The following PCDHGB2 variants were observed in gnomAD, a reference collection of about 807,000 sequenced individuals.
PCDHGB2 encodes the protein protocadherin gamma subfamily B, 2.
A neutral mutation model predicts 59.3 loss-of-function variants in PCDHGB2; 55 were observed. The ratio of observed to expected loss-of-function variants is 0.93; its 90% CI spans 0.75 to 1.16. The LOEUF is 1.16. PCDHGB2 is among the 50% of genes most tolerant of loss of function. The pLI, the probability that PCDHGB2 is intolerant of heterozygous loss-of-function variation, is 0.00. For synonymous variants in PCDHGB2, 516 were observed against 512.0 expected (o/e 1.01, Z -0.11); for missense variants, 1,228 against 1,198.5 (o/e 1.02, Z -0.36).
intron 1 of PCDHGB2, chr5:141,393,383 A>G: frequency 6.2e-7 from 1 of 1,614,000 alleles, no homozygotes; most frequent in Non-Finnish European, 8.5e-7. Flanking sequence ...ATGGAGCCAT[A>G]AACCCAGAGC....
chr5:141,368,392 C>T (rs978574831), intron 1 of PCDHGB2, among the ~76,000 whole-genome samples: 2 of 152,084 alleles, frequency 1.3e-5, no homozygotes, highest in African/African-American at 4.8e-5. Context: ...TACACACACA[C>T]AAACACACAT....
At chr5:141,404,072 C>T (rs779657331) in intron 1 of PCDHGB2, 1 of 1,613,626 alleles carries the variant, frequency 6.2e-7, no homozygotes, top group Non-Finnish European at 8.5e-7. Flanking sequence ...TGCTCATGAC[C>T]GAGACTCCGG....
rs946798767 is a variant in PCDHGB2, at chr5:141,438,591, CATATATATAT to C, written c.2422-56180_2422-56171del. On this transcript the variant is annotated intron_variant, in intron 1 of 3. Transcript: ENST00000522605. The stretch of plus-strand genomic sequence containing the variant: ...TCTGATATACATACATACATACATA[CATATATATAT>C]ATATATATATATATATATATATATA... Among the ~76,000 whole-genome samples, 12 of 75,572 alleles carry C rather than the reference CATATATATAT, an allele frequency of 1.6e-4. No individual in the cohort carries two copies. The East Asian group carries it at 1.7e-3, about 11-fold the overall frequency. The allele number at this position is 75,572 out of a possible 152,430, so 49.6% of individuals were successfully genotyped here.
intron 1 of PCDHGB2, chr5:141,374,661 A>G: frequency 6.2e-7 from 1 of 1,611,830 alleles, no homozygotes; most frequent in Non-Finnish European, 8.5e-7. Context: ...AAGTACCCGG[A>G]GCTGGTGCTG....
chr5:141,387,473 G>T (rs1032850562), intron 1 of PCDHGB2, among the ~76,000 whole-genome samples: 4 of 152,190 alleles, frequency 2.6e-5, no homozygotes, highest in Non-Finnish European at 4.4e-5. Context: ...CCTCAAAGTT[G>T]GGATGAAGGC....
chr5:141,374,191 C>G lies in PCDHGB2; in HGVS notation c.2421+11635C>G, dbSNP rs780279453. On this transcript the variant is annotated intron_variant, in intron 1 of 3. Coordinates refer to ENST00000522605, the MANE Select transcript of PCDHGB2 (RefSeq NM_018923.3). ...CAGCGCAGATCCGCTACTCTATTCC[C>G]GAGGAGCTGGAGAAAGGCTCCTTCG... The G allele has an allele frequency of 6.2e-6, 10 of 1,613,664 alleles. No homozygotes were observed. In the Admixed American group the frequency reaches 1.5e-4, roughly 24 times the overall value.
At chr5:141,387,967 C>A in intron 1 of PCDHGB2, 1 of 1,489,224 alleles carries the variant, frequency 6.7e-7, no homozygotes, top group Non-Finnish European at 9.0e-7. Context: ...TTCTGCCCGG[C>A]GCTCTGTGAG....
At chr5:141,495,452 C>T (rs543717781) in intron 2 of PCDHGB2, among the ~76,000 whole-genome samples, 1 of 152,356 alleles carries the variant, frequency 6.6e-6, no homozygotes, top group Non-Finnish European at 1.5e-5. Context: ...TTGTCCTGCT[C>T]TCTGTCTGTG....
rs138408376 is a variant in PCDHGB2 at position 141,421,859 on chromosome 5, T to C, written c.2421+59303T>C. The stretch of plus-strand genomic sequence containing the variant: ...CGAGAGAAAGAGGCTGCTCACCTGC[T>C]CCTCCTCACAGCTTTAGATGGAGGC... On this transcript the variant is annotated intron_variant, in intron 1 of 3. Coordinates refer to ENST00000522605, the MANE Select transcript of PCDHGB2 (RefSeq NM_018923.3). The C allele has an allele frequency of 1.7e-3, 2,741 of 1,613,710 alleles. 8 individuals carry two copies. Among genetic ancestry groups the C allele is most frequent in the Middle Eastern group, 8.1e-3 (49 of 6,062 alleles).
At chr5:141,422,606 C>T in intron 1 of PCDHGB2, 1 of 1,613,904 alleles carries the variant, frequency 6.2e-7, no homozygotes, top group Non-Finnish European at 8.5e-7. Flanking sequence ...TCTTACTCTG[C>T]CTACATTCCC....
At chr5:141,505,616 C>T in intron 3 of PCDHGB2, 135 bp downstream of exon 3, 2 of 1,503,162 alleles carry the variant, frequency 1.3e-6, no homozygotes, top group South Asian at 1.3e-5. Flanking sequence ...CTGAAAGGAC[C>T]CACAATTCCA....
chr5:141,372,230 C>T lies in PCDHGB2; in HGVS notation c.2421+9674C>T, dbSNP rs781407090. ...TGTCCTACCACATTGTGCAGGCCAG[C>T]GAGCCCGGGCTGTTCAGCCTGGGCC... On this transcript the variant is annotated intron_variant, in intron 1 of 3. Coordinates refer to ENST00000522605, the MANE Select transcript of PCDHGB2 (RefSeq NM_018923.3). The T allele has an allele frequency of 6.2e-6, 10 of 1,613,346 alleles. No individual in the cohort carries two copies. In the East Asian group the frequency reaches 2.2e-4, roughly 36 times the overall value.
At chr5:141,492,659 T>C (rs2099742881) in intron 1 of PCDHGB2, among the ~76,000 whole-genome samples, 1 of 152,182 alleles carries the variant, frequency 6.6e-6, no homozygotes, top group Non-Finnish European at 1.5e-5. Context: ...GTCCGGATGG[T>C]CCCGGGACTC....
intron 1 of PCDHGB2, among the ~76,000 whole-genome samples, chr5:141,494,135 GTCAC>G (rs1365926534): frequency 3.3e-5 from 5 of 152,202 alleles, no homozygotes; most frequent in Admixed American, 6.5e-5. Flanking sequence ...CTTCTCCTTA[GTCAC>G]AGACCATTGT....
intron 1 of PCDHGB2, chr5:141,428,062 A>G: frequency 6.2e-7 from 1 of 1,609,084 alleles, no homozygotes; most frequent in African/African-American, 1.3e-5. Flanking sequence ...GTGGCGGTGG[A>G]CGCAGATTCG....
chr5:141,400,319 C>A lies in PCDHGB2; in HGVS notation c.2421+37763C>A, dbSNP rs762588918. ...TTCCAACCTGGTCTCTGTGTCAAGTCTGGACCTGTGGTTCCCCCCAACTAC... is the reference window on the plus strand; with the variant it reads ...TTCCAACCTGGTCTCTGTGTCAAGTATGGACCTGTGGTTCCCCCCAACTAC... On this transcript the variant is annotated intron_variant, in intron 1 of 3. Coordinates refer to ENST00000522605, the MANE Select transcript of PCDHGB2 (RefSeq NM_018923.3). The A allele has an allele frequency of 4.3e-6, 7 of 1,614,092 alleles. No individual in the cohort carries two copies. In the South Asian group the frequency reaches 7.7e-5, roughly 18 times the overall value.
chr5:141,400,120 C>G, intron 1 of PCDHGB2: 1 of 1,614,076 alleles, frequency 6.2e-7, no homozygotes, highest in Non-Finnish European at 8.5e-7. Context: ...TGACAGCTTG[C>G]AGGAGGTGCT....
chr5:141,427,652 G>T, intron 1 of PCDHGB2: 1 of 721,166 alleles, frequency 1.4e-6, no homozygotes, highest in Non-Finnish European at 2.5e-6. Flanking sequence ...TCTCCTACGT[G>T]GTCCACGTGG....
rs745778398 is a variant in PCDHGB2, at chr5:141,389,350, T to A, written c.2421+26794T>A. The A allele has an allele frequency of 1.6e-5, 26 of 1,613,964 alleles. No individual in the cohort carries two copies. Among genetic ancestry groups the A allele is most frequent in the Non-Finnish European group, 2.2e-5 (26 of 1,179,910 alleles). Reference sequence around the variant, plus strand: ...CCCAACGGCCAAGTCTCTTACTGCATCATGGCCAGTGACCTGGAGCAGCGG... The same window carrying A: ...CCCAACGGCCAAGTCTCTTACTGCAACATGGCCAGTGACCTGGAGCAGCGG... On this transcript the variant is annotated intron_variant, in intron 1 of 3. Coordinates refer to ENST00000522605, the MANE Select transcript of PCDHGB2 (RefSeq NM_018923.3).
Sources: gnomAD v4.1 joint callset for allele counts (sites outside exome capture counted in the v4.1 genomes callset) on GRCh38, gnomAD v4.1.1 for gene constraint, MANE v1.5 for transcripts, NCBI Gene and HGNC (gene_info 2026-07-23, HGNC 2026-07-21) for gene names.